MTA3: variants seen among roughly 807,000 people sequenced by gnomAD.
The protein encoded by MTA3 is metastasis-associated protein MTA3.
In MTA3, 34 loss-of-function variants were observed where a neutral mutation model predicts 83.5. That is an observed-to-expected ratio of 0.41 (90% CI 0.31 to 0.54). The LOEUF (loss-of-function observed/expected upper bound fraction) is 0.54, where lower values mean the gene tolerates loss of function less well. Among genes scored for constraint, MTA3 ranks in the 20% least tolerant of loss-of-function variants. MTA3 has a pLI of 0.33. For missense variants in MTA3, 761 were observed against 726.4 expected (o/e 1.05, Z -0.55); for synonymous variants, 303 against 252.7 (o/e 1.20, Z -1.89).
intron 16 of MTA3, among the ~76,000 whole-genome samples, chr2:42,735,497 T>G (rs997936902): frequency 6.6e-6 from 1 of 152,198 alleles, no homozygotes; most frequent in African/African-American, 2.4e-5. Context: ...ACTTAAATAT[T>G]GATATCTTTC....
intron 2 of MTA3, among the ~76,000 whole-genome samples, chr2:42,504,236 C>G (rs568554830): frequency 6.6e-6 from 1 of 151,046 alleles, no homozygotes; most frequent in Non-Finnish European, 1.5e-5. Context: ...AGCCATGAAC[C>G]ACATTATTTT....
intron 6 of MTA3, among the ~76,000 whole-genome samples, chr2:42,655,692 T>C (rs560621223): frequency 6.6e-6 from 1 of 152,342 alleles, no homozygotes; most frequent in South Asian, 2.1e-4. Context: ...AACCTCTACC[T>C]TCCGGGTTCA....
intron 9 of MTA3, among the ~76,000 whole-genome samples, chr2:42,694,372 T>C (rs1160717800): frequency 6.6e-6 from 1 of 152,144 alleles, no homozygotes; most frequent in Admixed American, 6.5e-5. Context: ...CTTCTAAGTT[T>C]ACGTAGGTCC....
chr2:42,720,600 T>C lies in MTA3; in HGVS notation c.1612+1526T>C, dbSNP rs1667334365. On this transcript the variant is annotated intron_variant, in intron 15 of 16. Transcript: ENST00000405094. ...TAATGTCCTTGAAGAGTGCGGTCTG[T>C]ATTCCCTTGCAGAACTGTCTCCAGA... Among the ~76,000 whole-genome samples, 3 of 152,140 alleles carry C rather than the reference T, an allele frequency of 2.0e-5. No homozygotes were observed. The South Asian group carries it at 6.2e-4, about 31-fold the overall frequency.
At chr2:42,741,357 G>T (rs2083347) in intron 16 of MTA3, among the ~76,000 whole-genome samples, 45,099 of 151,994 alleles carry the variant, frequency 0.3, 7,110 homozygotes, top group East Asian at 0.57. Flanking sequence ...CACTGGAGTG[G>T]CACTCTTAAT....
chr2:42,730,300 T>A (rs1668151468), intron 16 of MTA3, among the ~76,000 whole-genome samples: 1 of 152,212 alleles, frequency 6.6e-6, no homozygotes, highest in Admixed American at 6.5e-5. Flanking sequence ...TTTTAAATCT[T>A]AGAGGAAAGG....
intron 6 of MTA3, among the ~76,000 whole-genome samples, chr2:42,653,861 T>A (rs1357632216): frequency 6.6e-6 from 1 of 152,230 alleles, no homozygotes; most frequent in Admixed American, 6.5e-5. Flanking sequence ...ACATCATTTC[T>A]TGTGTGTTAT....
At chr2:42,735,551 C>G (rs1023071226) in intron 16 of MTA3, among the ~76,000 whole-genome samples, 19 of 152,132 alleles carry the variant, frequency 1.2e-4, no homozygotes, top group Non-Finnish European at 2.6e-4. Flanking sequence ...AATAATCTTT[C>G]TACAATCTGT....
At chr2:42,522,210 AC>A (rs1477929070) in intron 2 of MTA3, among the ~76,000 whole-genome samples, 2 of 152,178 alleles carry the variant, frequency 1.3e-5, no homozygotes, top group African/African-American at 2.4e-5. Context: ...TGAGGTAGTT[AC>A]AACCACCCTC....
chr2:42,651,565 G>C (rs910288575), intron 6 of MTA3, among the ~76,000 whole-genome samples: 17 of 151,474 alleles, frequency 1.1e-4, no homozygotes, highest in Non-Finnish European at 1.0e-4. Flanking sequence ...GAAGGCTGAG[G>C]CTGGCGGATG....
intron 9 of MTA3, among the ~76,000 whole-genome samples, chr2:42,693,938 G>A (rs1463374794): frequency 1.3e-5 from 2 of 151,560 alleles, no homozygotes; most frequent in African/African-American, 2.4e-5. Flanking sequence ...ATTGCTGCTG[G>A]TTACTCGGGG....
chr2:42,691,460 G>A (rs1481820532), intron 9 of MTA3, among the ~76,000 whole-genome samples: 1 of 151,952 alleles, frequency 6.6e-6, no homozygotes, highest in Admixed American at 6.6e-5. Flanking sequence ...TTGATTCTGT[G>A]TCTTATTGTA....
At chr2:42,514,784 A>G (rs1451758083) in intron 2 of MTA3, among the ~76,000 whole-genome samples, 1 of 132,060 alleles carries the variant, frequency 7.6e-6, no homozygotes, top group African/African-American at 2.9e-5. Flanking sequence ...TACTTATGGG[A>G]TCAAATGATC....
At chr2:42,698,966 T>G (rs1693624875) in intron 11 of MTA3, among the ~76,000 whole-genome samples, 1 of 152,226 alleles carries the variant, frequency 6.6e-6, no homozygotes, top group Non-Finnish European at 1.5e-5. Context: ...AAAATACTGT[T>G]GCAACTCATG....
intron 2 of MTA3, among the ~76,000 whole-genome samples, chr2:42,514,492 T>C (rs1675044655): frequency 6.6e-6 from 1 of 151,944 alleles, no homozygotes; most frequent in African/African-American, 2.4e-5. Context: ...CAAGCAATTA[T>C]CCTGCCTCAG....
chr2:42,710,025 T>G (rs1476016814), intron 14 of MTA3, among the ~76,000 whole-genome samples: 1 of 152,192 alleles, frequency 6.6e-6, no homozygotes, highest in East Asian at 1.9e-4. Context: ...CCGTGCAGCT[T>G]TTGTTCCTTA....
At chr2:42,567,299 A>T (rs1468760290), upstream of MTA3, among the ~76,000 whole-genome samples, 1 of 152,196 alleles carries the variant, frequency 6.6e-6, no homozygotes, top group East Asian at 1.9e-4. Flanking sequence ...CATAGAGTCA[A>T]TGTAATTCAA....
At chr2:42,716,645 T>C (rs1351761047) in intron 14 of MTA3, among the ~76,000 whole-genome samples, 1 of 152,236 alleles carries the variant, frequency 6.6e-6, no homozygotes, top group Non-Finnish European at 1.5e-5. Context: ...TCCATGTTCC[T>C]GCAAAGGACA....
intron 3 of MTA3, 59 bp downstream of exon 3, chr2:42,579,259 G>T: frequency 8.0e-7 from 1 of 1,246,878 alleles, no homozygotes; most frequent in East Asian, 2.5e-5. Flanking sequence ...TTGTGATGAG[G>T]TGGAAACATG....
Sources: gnomAD v4.1 joint callset for allele counts (sites outside exome capture counted in the v4.1 genomes callset) on GRCh38, gnomAD v4.1.1 for gene constraint, MANE v1.5 for transcripts, NCBI Gene and HGNC (gene_info 2026-07-23, HGNC 2026-07-21) for gene names.